OSCP1: variants seen among roughly 807,000 people sequenced by gnomAD.
OSCP1 encodes protein OSCP1.
A neutral mutation model predicts 45.1 loss-of-function variants in OSCP1; 35 were observed. The observed-to-expected ratio is 0.78, with a 90% confidence interval of 0.59 to 1.03. The LOEUF (loss-of-function observed/expected upper bound fraction) is 1.03, where lower values mean the gene tolerates loss of function less well. OSCP1 is among the 50% of genes least tolerant of loss of function. The pLI, the probability that OSCP1 is intolerant of heterozygous loss-of-function variation, is 0.00. For missense variants in OSCP1, 400 were observed against 470.7 expected, an observed-to-expected ratio of 0.85 and a Z score of 1.39; for synonymous variants, 179 against 180.1, an observed-to-expected ratio of 0.99 and a Z score of 0.05.
rs969982440 is a variant in OSCP1, at chr1:36,447,519, G to T, written c.112+2739C>A. ...TATGAGGACATTGGTTATATGAGGG[G>T]ACATTGGTTATAGTAAGGGGACATT... On this transcript the variant is annotated intron_variant, in intron 1 of 9. Coordinates refer to ENST00000235532, the MANE Select transcript of OSCP1 (RefSeq NM_145047.5). This position sits in a 1 kb window ranked among gnomAD's most constrained non-coding sequence, Gnocchi z 4.1. Among the ~76,000 whole-genome samples, 1 of 152,056 alleles carries T rather than the reference G, an allele frequency of 6.6e-6. No individual in the cohort carries two copies. Among genetic ancestry groups the T allele is most frequent in the Non-Finnish European group, 1.5e-5 (1 of 68,018 alleles).
chr1:36,429,399 A>G (rs1648197714), intron 4 of OSCP1, among the ~76,000 whole-genome samples: 2 of 151,776 alleles, frequency 1.3e-5, no homozygotes, highest in South Asian at 4.2e-4. Flanking sequence ...AAAAAAAAAA[A>G]AGAGAAACAT....
At chr1:36,422,061 C>G in intron 7 of OSCP1, 89 bp downstream of exon 7, 1 of 1,299,940 alleles carries the variant, frequency 7.7e-7, no homozygotes, top group South Asian at 1.2e-5. Context: ...TGGCTAGATC[C>G]GAAATCTAAA....
chr1:36,444,081 A>C, intron 1 of OSCP1: 1 of 1,579,054 alleles, frequency 6.3e-7, no homozygotes, highest in Non-Finnish European at 8.7e-7. Context: ...AAGCAAGAAC[A>C]TTATTTTCAA....
At chr1:36,422,745 C>A in intron 6 of OSCP1, 23 bp downstream of exon 6, 1 of 1,522,514 alleles carries the variant, frequency 6.6e-7, no homozygotes, top group Non-Finnish European at 8.9e-7. Context: ...GACTTGAATT[C>A]ACTCAGAGAA....
Position 36,432,437 on chromosome 1 carries a change from CAA to C in OSCP1, c.418_419del (p.Leu140AlafsTer44), listed in dbSNP as rs1648427544. The C allele has an allele frequency of 6.2e-7, 1 of 1,614,018 alleles. No individual in the cohort carries two copies. The highest frequency in any genetic ancestry group is 8.5e-7 in the Non-Finnish European group (1 of 1,179,954). On this transcript the variant is annotated frameshift_variant, in exon 3 of 10. Transcript: ENST00000235532. LOFTEE classifies it high-confidence loss of function. ...GCACTCTTACTTCTGTCAGCTGCCG[CAA>C]AGTCTCGTCCACTTGCTGCAGGATG... is the stretch of plus-strand genomic sequence containing the variant. ...PTILQQVDET[L>X]RQLTEIYGGL...
At chr1:36,429,752 T>A (rs966672525) in intron 4 of OSCP1, among the ~76,000 whole-genome samples, 2 of 151,440 alleles carry the variant, frequency 1.3e-5, no homozygotes, top group Admixed American at 1.3e-4. Flanking sequence ...ATTTTATTTT[T>A]ATTTATTTAT....
intron 2 of OSCP1, among the ~76,000 whole-genome samples, chr1:36,435,301 GTT>G (rs71053934): frequency 2.0e-5 from 3 of 147,360 alleles, no homozygotes; most frequent in African/African-American, 5.0e-5. Context: ...TCTCACTATG[GTT>G]TTTTTTTTAA....
chr1:36,418,282 G>T, intron 9 of OSCP1, 27 bp from the exon 10 acceptor site: 1 of 1,608,214 alleles, frequency 6.2e-7, no homozygotes, highest in Non-Finnish European at 8.5e-7. Context: ...AGGTAAAAGG[G>T]CATGAAGAGG....
In OSCP1 at chr1:36,438,758, T is replaced by C; in HGVS notation, c.265A>G (p.Lys89Glu). The part of the protein sequence containing the change: ...IMKLNQASMD[K>E]LYDLMTMAFK... ...GACAAAGGCAGCTGTCTGCTCACCTTATCCATGCTGGCCTGGTTCAGTTTC... is the reference window on the plus strand; with the variant it reads ...GACAAAGGCAGCTGTCTGCTCACCTCATCCATGCTGGCCTGGTTCAGTTTC... The change falls in exon 2 of 10, where the codon AAG becomes GAG. Residue 89 changes from lysine to glutamate, a missense_variant and splice_region_variant. Coordinates refer to ENST00000235532, the MANE Select transcript of OSCP1 (RefSeq NM_145047.5). 1 of 1,604,030 alleles carries C rather than the reference T, an allele frequency of 6.2e-7. No homozygotes were observed. The highest frequency in any genetic ancestry group is 8.5e-7 in the Non-Finnish European group (1 of 1,175,992).
At chr1:36,440,385 C>T (rs143314137) in intron 1 of OSCP1, among the ~76,000 whole-genome samples, 2 of 152,156 alleles carry the variant, frequency 1.3e-5, no homozygotes, top group Non-Finnish European at 2.9e-5. Flanking sequence ...GGGATACATC[C>T]CCAACACACA....
At chr1:36,435,031 C>T (rs1161601929) in intron 2 of OSCP1, among the ~76,000 whole-genome samples, 1 of 150,586 alleles carries the variant, frequency 6.6e-6, no homozygotes, top group African/African-American at 2.4e-5. Context: ...TTTTTTAATT[C>T]TAAGTTCTGT....
chr1:36,444,696 G>C (rs1649397412), intron 1 of OSCP1, among the ~76,000 whole-genome samples: 1 of 152,178 alleles, frequency 6.6e-6, no homozygotes, highest in Non-Finnish European at 1.5e-5. Flanking sequence ...CCCAAGAGGA[G>C]ACCAAATAAG....
chr1:36,422,950 G>T, intron 5 of OSCP1, 54 bp from the exon 6 acceptor site: 1 of 1,465,748 alleles, frequency 6.8e-7, no homozygotes, highest in Non-Finnish European at 9.1e-7. Flanking sequence ...GGTAGTCCTG[G>T]AGGCTTCTTT....
At chr1:36,429,535 A>ATTTTTTTTT (rs200043573) in intron 4 of OSCP1, among the ~76,000 whole-genome samples, 3,082 of 99,820 alleles carry the variant, frequency 0.031, 377 homozygotes, top group Middle Eastern at 0.047. Flanking sequence ...GAAGCTTAGA[A>ATTTTTTTTT]TTTTTTTTTT....
intron 8 of OSCP1, among the ~76,000 whole-genome samples, chr1:36,420,142 A>AT (rs879625733): frequency 0.02 from 2,816 of 138,468 alleles, 34 homozygotes; most frequent in African/African-American, 0.032. Flanking sequence ...CACCCAGCTA[A>AT]TTTTTTTTTT....
At position 36,429,535 on chromosome 1, in the gene OSCP1, A is replaced by ATTTT. The variant is rs200043573; in HGVS notation, c.516+2263_516+2266dup. On this transcript the variant is annotated intron_variant, in intron 4 of 9. Coordinates refer to ENST00000235532, the MANE Select transcript of OSCP1 (RefSeq NM_145047.5). The stretch of plus-strand genomic sequence containing the variant: ...CACATTCAAAATTCAGAAGCTTAGA[A>ATTTT]TTTTTTTTTTTTTTTTTTTTTTTTT... Among the ~76,000 whole-genome samples the ATTTT allele has an allele frequency of 1.3e-3, 126 of 100,316 alleles. 19 individuals are homozygous for ATTTT. Among genetic ancestry groups the ATTTT allele is most frequent in the African/African-American group, 3.6e-3 (85 of 23,900 alleles). 65.8% of individuals were successfully genotyped at this position (100,316 alleles called of 152,430 possible).
chr1:36,446,502 A>G (rs1345165734), intron 1 of OSCP1, among the ~76,000 whole-genome samples: 2 of 152,254 alleles, frequency 1.3e-5, no homozygotes, highest in East Asian at 3.8e-4. Flanking sequence ...GAAGGCAGGC[A>G]GGCTGAACGC....
At chr1:36,432,743 C>T (rs919697605) in intron 2 of OSCP1, among the ~76,000 whole-genome samples, 154 bp from the exon 3 acceptor site, 2 of 152,188 alleles carry the variant, frequency 1.3e-5, no homozygotes, top group Non-Finnish European at 2.9e-5. Flanking sequence ...CAAACCAAGA[C>T]ACTTCTGAGA....
At chr1:36,441,044 A>G (rs1480799459) in intron 1 of OSCP1, 1 of 152,258 alleles carries the variant, frequency 6.6e-6, no homozygotes, top group Non-Finnish European at 1.5e-5. Flanking sequence ...GGCAAAGTGA[A>G]AAGCAAAATG....
Sources: gnomAD v4.1 joint callset for allele counts (sites outside exome capture counted in the v4.1 genomes callset) on GRCh38, gnomAD v4.1.1 for gene constraint, Gnocchi (gnomAD v3.1) non-coding constraint, MANE v1.5 for transcripts, NCBI Gene and HGNC (gene_info 2026-07-23, HGNC 2026-07-21) for gene names.